Variants in VWF observed in about 807,000 individuals in gnomAD.
VWF encodes Factor VIII related antigen.
Under a neutral mutation model 308.6 loss-of-function variants are expected in VWF, and 176 were observed. The ratio of observed to expected loss-of-function variants is 0.57; its 90% CI spans 0.50 to 0.65. The LOEUF is 0.65. VWF is among the 30% of genes least tolerant of loss of function. The pLI, the probability that VWF is intolerant of heterozygous loss-of-function variation, is 0.00. For synonymous variants in VWF, 1,385 were observed against 1,443.4 expected, an observed-to-expected ratio of 0.96 and a Z score of 0.92; for missense variants, 3,146 against 3,648.2, an observed-to-expected ratio of 0.86 and a Z score of 3.55.
chr12:6,046,532 T>G lies in VWF; in HGVS notation c.2281+191A>C, dbSNP rs1049270276. Among the ~76,000 whole-genome samples the G allele has an allele frequency of 3.9e-5, 6 of 152,234 alleles. No individual in the cohort carries two copies. Among genetic ancestry groups the G allele is most frequent in the African/African-American group, 1.4e-4 (6 of 41,460 alleles). ...TGCCTCAATGGTCGGGATTGACACATGCAAAGACATGCCTTGGCCTGAAAG... is the reference window on the plus strand; with the variant it reads ...TGCCTCAATGGTCGGGATTGACACAGGCAAAGACATGCCTTGGCCTGAAAG... On this transcript the variant is annotated intron_variant, in intron 17 of 51. Coordinates refer to ENST00000261405, the MANE Select transcript of VWF (RefSeq NM_000552.5). This position sits in a 1 kb window ranked among gnomAD's most constrained non-coding sequence, Gnocchi z 5.0.
chr12:6,041,736 T>C (rs1040768950), intron 18 of VWF, among the ~76,000 whole-genome samples: 1 of 152,192 alleles, frequency 6.6e-6, no homozygotes, highest in Non-Finnish European at 1.5e-5. Context: ...CGTGAGCCAC[T>C]GCGCCCAGCT....
At chr12:6,084,749 G>A (rs1446149559) in intron 6 of VWF, among the ~76,000 whole-genome samples, 1 of 152,172 alleles carries the variant, frequency 6.6e-6, no homozygotes, top group Non-Finnish European at 1.5e-5. Flanking sequence ...GCTCTGGGAT[G>A]GGTGCCCTGC....
At position 6,057,918 on chromosome 12, in the gene VWF, T is replaced by G. The variant is rs772261688; in HGVS notation, c.1660A>C (p.Lys554Gln). Reference sequence around the variant, plus strand: ...AGGTCCTGGCAGTCCCCGTGCAGCTTCCAGGCGTTCCCGAAGTCCTCCACC... The same window carrying G: ...AGGTCCTGGCAGTCCCCGTGCAGCTGCCAGGCGTTCCCGAAGTCCTCCACC... Reference protein sequence around the residue: ...PRVEDFGNAWKLHGDCQDLQK... With the variant: ...PRVEDFGNAWQLHGDCQDLQK... The change falls in exon 14 of 52, where the codon AAG becomes CAG. Residue 554 changes from lysine to glutamine, a missense_variant. Lys to Gln is a moderately conservative substitution (Grantham distance 53). Coordinates refer to ENST00000261405, the MANE Select transcript of VWF (RefSeq NM_000552.5). 2.5e-6 allele frequency: 4 copies of G among 1,613,470 alleles called. No homozygotes were observed. In the African/African-American group the frequency reaches 5.3e-5, roughly 22 times the overall value.
At chr12:5,953,620 C>T in intron 47 of VWF, 26 bp from the exon 48 acceptor site, 1 of 1,581,612 alleles carries the variant, frequency 6.3e-7, no homozygotes, top group Non-Finnish European at 8.7e-7. Flanking sequence ...GAAAAAGCAG[C>T]CATAGTTAAC....
chr12:6,086,245 A>G (rs1944970478), intron 6 of VWF, among the ~76,000 whole-genome samples: 1 of 152,234 alleles, frequency 6.6e-6, no homozygotes, highest in Non-Finnish European at 1.5e-5. Flanking sequence ...AGCACTTGAA[A>G]TAAGTCCTCA....
Position 6,036,508 on chromosome 12 carries a change from C to T in VWF, c.2443-17G>A. 1 of 1,612,152 alleles carries T rather than the reference C, an allele frequency of 6.2e-7. No homozygotes were observed. Among genetic ancestry groups the T allele is most frequent in the Non-Finnish European group, 8.5e-7 (1 of 1,178,324 alleles). ...ATGCCGGACCTAAGAGAAAAGAATC[C>T]AAAAGTCCTCAGGGCCACAGTGACT... On this transcript the variant is annotated splice_polypyrimidine_tract_variant and intron_variant, in intron 18 of 51. Coordinates refer to ENST00000261405, the MANE Select transcript of VWF (RefSeq NM_000552.5).
At chr12:6,051,074 A>G (rs182274648) in intron 16 of VWF, among the ~76,000 whole-genome samples, 5 of 152,098 alleles carry the variant, frequency 3.3e-5, no homozygotes, top group Admixed American at 6.5e-5. Flanking sequence ...ATTGAAATAC[A>G]TACTGAAGTG....
Position 6,063,303 on chromosome 12 carries a change from C to T in VWF, c.1433-249G>A, listed in dbSNP as rs888879207. ...ACCCCCCGCTATGACCTGCCATTCC[C>T]CCTACTGCCACAGGAGGGAGGCAGA... On this transcript the variant is annotated intron_variant, in intron 12 of 51. Transcript: ENST00000261405. The surrounding 1 kb of genome is among the most constrained non-coding windows in gnomAD (Gnocchi z 4.9). Among the ~76,000 whole-genome samples, 30 of 152,120 alleles carry T rather than the reference C, an allele frequency of 2.0e-4. No homozygotes were observed. Among genetic ancestry groups the T allele is most frequent in the Non-Finnish European group, 7.4e-5 (5 of 68,010 alleles).
At chr12:6,052,329 G>A (rs140373662) in intron 16 of VWF, among the ~76,000 whole-genome samples, 1 of 152,176 alleles carries the variant, frequency 6.6e-6, no homozygotes, top group African/African-American at 2.4e-5. Context: ...AACTCCTACT[G>A]CCAGCCAGGA....
chr12:6,103,499 CACACGTATATATATACACACAT>C (rs1304528874), intron 5 of VWF, among the ~76,000 whole-genome samples: 1,356 of 122,908 alleles, frequency 0.011, 51 homozygotes, highest in African/African-American at 0.052. Flanking sequence ...TGTGTATACA[CACACGTATATATATACACACAT>C]ATGTGTATAT....
intron 3 of VWF, among the ~76,000 whole-genome samples, chr12:6,117,866 G>A (rs879689732): frequency 5.3e-5 from 8 of 152,168 alleles, no homozygotes; most frequent in East Asian, 1.9e-4. Flanking sequence ...AACTGCCCTC[G>A]GAACACTCAG....
chr12:6,091,125 T>C lies in VWF; in HGVS notation c.657+4335A>G, dbSNP rs146542574. The stretch of plus-strand genomic sequence containing the variant: ...AATGTACTTGTTTATAAGGTGGAGA[T>C]TGTCTGTTCACAATTTAGGCAGCTG... On this transcript the variant is annotated intron_variant, in intron 6 of 51. Transcript: ENST00000261405. 3.9e-5 allele frequency among the ~76,000 whole-genome samples: 6 copies of C among 152,280 alleles called. No individual in the cohort carries two copies. The East Asian group carries it at 1.2e-3, about 29-fold the overall frequency.
chr12:6,046,634 C>T lies in VWF; in HGVS notation c.2281+89G>A, dbSNP rs903046044. 11 of 1,300,310 alleles carry T rather than the reference C, an allele frequency of 8.5e-6. No individual in the cohort carries two copies. The highest frequency in any genetic ancestry group is 3.4e-5 in the Admixed American group (2 of 59,088). 80.5% of individuals were successfully genotyped at this position (1,300,310 alleles called of 1,614,324 possible). On this transcript the variant is annotated intron_variant, in intron 17 of 51. Coordinates refer to ENST00000261405, the MANE Select transcript of VWF (RefSeq NM_000552.5). The surrounding 1 kb of genome is among the most constrained non-coding windows in gnomAD (Gnocchi z 5.0). ...TGCCTGGGTGCACACGCACATCTGA[C>T]GGTGTCACCCAGCTCTCTCCCGCCA... is the stretch of plus-strand genomic sequence containing the variant.
intron 50 of VWF, 101 bp downstream of exon 50, chr12:5,951,743 A>G: frequency 7.9e-7 from 1 of 1,265,396 alleles, no homozygotes. Flanking sequence ...TCCAAAGAAC[A>G]GTCATGCGGC....
chr12:5,958,742 A>G (rs2136344787), intron 47 of VWF, among the ~76,000 whole-genome samples: 1 of 152,306 alleles, frequency 6.6e-6, no homozygotes, highest in Middle Eastern at 3.4e-3. Flanking sequence ...GGAAGCAGGG[A>G]AAGGATTTTT....
rs183870475 is a variant in VWF at position 6,103,044 on chromosome 12, T to C, written c.532+7330A>G. Among the ~76,000 whole-genome samples the C allele has an allele frequency of 1.2e-4, 18 of 152,106 alleles. No individual in the cohort carries two copies. In the East Asian group the frequency reaches 3.5e-3, roughly 30 times the overall value. On this transcript the variant is annotated intron_variant, in intron 5 of 51. Coordinates refer to ENST00000261405, the MANE Select transcript of VWF (RefSeq NM_000552.5). ...ACTGGTATAAAAATATACACATAGA[T>C]CGGCCAGGCGTGGTGGCTCATGCCT...
intron 20 of VWF, among the ~76,000 whole-genome samples, chr12:6,032,504 G>A (rs917531204): frequency 2.6e-5 from 4 of 151,296 alleles, no homozygotes; most frequent in Non-Finnish European, 4.4e-5. Context: ...CGGGCGTGGT[G>A]GCGGGCGCCT....
intron 5 of VWF, among the ~76,000 whole-genome samples, chr12:6,098,015 C>T (rs946948739): frequency 1.3e-5 from 2 of 152,184 alleles, no homozygotes; most frequent in Non-Finnish European, 2.9e-5. Flanking sequence ...CTTCTAGGGT[C>T]GTTTTTAGCC....
rs771947987 is a variant in VWF, at chr12:6,062,970, C to T, written c.1517G>A (p.Gly506Glu). 3 of 1,612,966 alleles carry T rather than the reference C, an allele frequency of 1.9e-6. No individual in the cohort carries two copies. Among genetic ancestry groups the T allele is most frequent in the South Asian group, 2.2e-5 (2 of 91,058 alleles). ...EDLQMDWDGR[G>E]RLLVKLSPVY... ...GGCACCTACCTTCACCAGCAGCCTC[C>T]CGCGGCCATCCCAGTCCATCTGCAG... Residue 506 changes from glycine (G) to glutamate (E), a missense_variant, in exon 13 of 52, where the codon GGG becomes GAG. Coordinates refer to ENST00000261405, the MANE Select transcript of VWF (RefSeq NM_000552.5).
Sources: allele counts gnomAD v4.1 joint callset (sites outside exome capture counted in the v4.1 genomes callset), GRCh38; gene constraint gnomAD v4.1.1; non-coding constraint Gnocchi (gnomAD v3.1); transcripts MANE v1.5; gene names NCBI Gene and HGNC (gene_info 2026-07-23, HGNC 2026-07-21).